Variants in SMYD3 observed in about 807,000 individuals in gnomAD.
The protein encoded by SMYD3 is histone-lysine N-methyltransferase SMYD3.
Under a neutral mutation model 57.7 loss-of-function variants are expected in SMYD3, and 36 were observed. That is an observed-to-expected ratio of 0.62 (90% CI 0.48 to 0.82). The LOEUF (loss-of-function observed/expected upper bound fraction) is 0.82. Ranked by LOEUF, SMYD3 falls within the 40% of genes least tolerant of loss-of-function variation. The pLI is 0.00. For synonymous variants in SMYD3, 211 were observed against 195.0 expected, an observed-to-expected ratio of 1.08 and a Z score of -0.68; for missense variants, 515 against 538.8, an observed-to-expected ratio of 0.96 and a Z score of 0.44.
chr1:245,836,705 C>A (rs111240178), intron 10 of SMYD3, among the ~76,000 whole-genome samples: 1 of 152,222 alleles, frequency 6.6e-6, no homozygotes, highest in Non-Finnish European at 1.5e-5. Context: ...AGAGCACTCA[C>A]TGGCAGCAGG....
At chr1:246,033,365 G>A (rs757859423) in intron 5 of SMYD3, among the ~76,000 whole-genome samples, 4 of 152,212 alleles carry the variant, frequency 2.6e-5, no homozygotes, top group Non-Finnish European at 5.9e-5. Flanking sequence ...ATGGAGTACA[G>A]ATTAGTAGCT....
At chr1:245,892,107 G>C (rs1572607618) in intron 8 of SMYD3, among the ~76,000 whole-genome samples, 1 of 152,082 alleles carries the variant, frequency 6.6e-6, no homozygotes, top group East Asian at 1.9e-4. Flanking sequence ...CCAAACAAGA[G>C]GCACTAGGCA....
intron 6 of SMYD3, among the ~76,000 whole-genome samples, chr1:245,929,434 G>A (rs1381234210): frequency 6.6e-6 from 1 of 152,204 alleles, no homozygotes; most frequent in African/African-American, 2.4e-5. Context: ...CAAAGCCTGA[G>A]AGTTTTCTTG....
intron 5 of SMYD3, among the ~76,000 whole-genome samples, chr1:246,320,790 G>C (rs529780413): frequency 6.6e-6 from 1 of 152,130 alleles, no homozygotes. Flanking sequence ...CTGAAATTAC[G>C]TTGAGACTAT....
At chr1:245,776,875 G>A (rs1426736439) in intron 10 of SMYD3, among the ~76,000 whole-genome samples, 1 of 152,174 alleles carries the variant, frequency 6.6e-6, no homozygotes, top group Non-Finnish European at 1.5e-5. Context: ...TGTAAATAAG[G>A]TTTCGTTGGG....
At chr1:246,453,283 G>A (rs951124605) in intron 1 of SMYD3, among the ~76,000 whole-genome samples, 1 of 152,250 alleles carries the variant, frequency 6.6e-6, no homozygotes, top group African/African-American at 2.4e-5. Flanking sequence ...TATGAAACAC[G>A]ATATCGGACT....
chr1:245,790,090 C>T (rs2047205103), intron 10 of SMYD3, among the ~76,000 whole-genome samples: 1 of 152,172 alleles, frequency 6.6e-6, no homozygotes, highest in Non-Finnish European at 1.5e-5. Flanking sequence ...ATTAACAAGT[C>T]TGGTGAGTAC....
chr1:246,435,562 C>T (rs1419898613), intron 1 of SMYD3, among the ~76,000 whole-genome samples: 2 of 151,644 alleles, frequency 1.3e-5, no homozygotes, highest in African/African-American at 4.8e-5. Context: ...AACTGTAATA[C>T]TAGATAAGGA....
chr1:245,836,176 G>C (rs2148401998), intron 10 of SMYD3, among the ~76,000 whole-genome samples: 1 of 152,346 alleles, frequency 6.6e-6, no homozygotes, highest in East Asian at 1.9e-4. Context: ...AGAAGGATGA[G>C]AGTTTCAGCT....
chr1:246,241,516 G>A (rs2063610296), intron 5 of SMYD3, among the ~76,000 whole-genome samples: 2 of 152,108 alleles, frequency 1.3e-5, no homozygotes, highest in Non-Finnish European at 1.5e-5. Flanking sequence ...GAGGATTTCT[G>A]CATCAATATT....
chr1:246,489,006 C>T (rs897981323), intron 1 of SMYD3, among the ~76,000 whole-genome samples: 5 of 152,094 alleles, frequency 3.3e-5, no homozygotes, highest in Non-Finnish European at 7.4e-5. Context: ...TCTCCACCTC[C>T]CACTCCCCAG....
At chr1:245,838,953 TG>T (rs2050244961) in intron 10 of SMYD3, among the ~76,000 whole-genome samples, 1 of 152,334 alleles carries the variant, frequency 6.6e-6, no homozygotes, top group South Asian at 2.1e-4. Context: ...CTCTGAATCC[TG>T]AACTTGGAAG....
chr1:246,507,254 G>C lies in SMYD3; in HGVS notation c.-37C>G. 1 of 1,460,990 alleles carries C rather than the reference G, an allele frequency of 6.8e-7. No individual in the cohort carries two copies. The highest frequency in any genetic ancestry group is 9.1e-7 in the Non-Finnish European group (1 of 1,099,404). The allele number at this position is 1,460,990 out of a possible 1,614,324, so 90.5% of individuals were successfully genotyped here. ...TCCGGCACCTCAGACGGCTACCCGC[G>C]TCCAGCAGCGGGCGTCTCACGGGCT... On this transcript the variant is annotated 5_prime_UTR_variant, in exon 1 of 12. Coordinates refer to ENST00000490107, the MANE Select transcript of SMYD3 (RefSeq NM_001167740.2).
chr1:246,118,268 T>C (rs190577377), intron 5 of SMYD3, among the ~76,000 whole-genome samples: 40 of 152,246 alleles, frequency 2.6e-4, no homozygotes, highest in African/African-American at 8.4e-4. Flanking sequence ...AATGATACCT[T>C]TAAGGTTATT....
At chr1:245,796,960 T>A (rs1248860710) in intron 10 of SMYD3, among the ~76,000 whole-genome samples, 1 of 152,230 alleles carries the variant, frequency 6.6e-6, no homozygotes, top group Non-Finnish European at 1.5e-5. Flanking sequence ...AAAACACCTA[T>A]GAAATAATGA....
At chr1:246,354,926 T>C in intron 2 of SMYD3, 105 bp downstream of exon 2, 4 of 987,274 alleles carry the variant, frequency 4.1e-6, no homozygotes, top group Non-Finnish European at 4.7e-6. Flanking sequence ...TAAAAGTAAA[T>C]TAAAGGCTGT....
intron 1 of SMYD3, among the ~76,000 whole-genome samples, chr1:246,359,382 C>T (rs1242991039): frequency 1.3e-5 from 2 of 152,118 alleles, no homozygotes; most frequent in Non-Finnish European, 2.9e-5. Flanking sequence ...TTCTGTCAGA[C>T]ATTCAAAGAG....
chr1:246,219,001 T>C (rs2063209802), intron 5 of SMYD3, among the ~76,000 whole-genome samples: 1 of 152,158 alleles, frequency 6.6e-6, no homozygotes, highest in African/African-American at 2.4e-5. Context: ...TTTATCTGTA[T>C]GCCTGGGAGT....
chr1:246,387,641 G>T (rs1424848293), intron 1 of SMYD3, among the ~76,000 whole-genome samples: 9 of 152,226 alleles, frequency 5.9e-5, no homozygotes, highest in African/African-American at 1.9e-4. Flanking sequence ...CAAAGCAGCA[G>T]TGTGAGGCAG....
Sources: allele counts gnomAD v4.1 joint callset (sites outside exome capture counted in the v4.1 genomes callset), GRCh38; gene constraint gnomAD v4.1.1; transcripts MANE v1.5; gene names NCBI Gene and HGNC (gene_info 2026-07-23, HGNC 2026-07-21).